The following OR2L13 variants were observed in gnomAD, a reference collection of about 807,000 sequenced individuals.
OR2L13 encodes the protein olfactory receptor family 2 subfamily L member 13.
A neutral mutation model predicts 15.3 loss-of-function variants in OR2L13; 14 were observed. That is an observed-to-expected ratio of 0.91 (90% CI 0.60 to 1.43). The LOEUF is 1.43. Among genes scored for constraint, OR2L13 ranks in the 40% most tolerant of loss-of-function variants. The pLI is 0.00. For missense variants in OR2L13, 367 were observed against 387.9 expected (o/e 0.95, Z 0.45); for synonymous variants, 152 against 142.9 (o/e 1.06, Z -0.45).
the OR2L13 span, among the ~76,000 whole-genome samples, chr1:248,008,249 C>T: frequency 2.0e-3 from 307 of 152,242 alleles, 1 homozygote; most frequent in African/African-American, 7.3e-3. Context: ...CCCCATATAC[C>T]TCCTAGTGAC....
the OR2L13 span, among the ~76,000 whole-genome samples, chr1:247,971,018 G>A: frequency 0.82 from 125,038 of 151,966 alleles, 53,844 homozygotes; most frequent in South Asian, 0.97. Context: ...ATATAGATAC[G>A]GTAATTTTCA....
chr1:247,997,217 C>A, the OR2L13 span: 1 of 152,098 alleles, frequency 6.6e-6, no homozygotes, highest in African/African-American at 2.4e-5. Context: ...TGAACTAATA[C>A]CTTTTTTCCC....
At chr1:248,000,579 GC>G in the OR2L13 span, among the ~76,000 whole-genome samples, 11 of 152,084 alleles carry the variant, frequency 7.2e-5, no homozygotes, top group African/African-American at 1.9e-4. Flanking sequence ...AACTTTGGCA[GC>G]TTTTGGAGAA....
chr1:248,091,970 T>C (rs1664607257), upstream of OR2L13, among the ~76,000 whole-genome samples: 1 of 152,106 alleles, frequency 6.6e-6, no homozygotes, highest in Non-Finnish European at 1.5e-5. Flanking sequence ...ATTCCTTTGA[T>C]CAGCATTTTA....
At chr1:248,071,089 C>G in the OR2L13 span, among the ~76,000 whole-genome samples, 1 of 152,090 alleles carries the variant, frequency 6.6e-6, no homozygotes, top group Non-Finnish European at 1.5e-5. Context: ...CTATTCCAAT[C>G]AATAGAAAAA....
chr1:248,100,599 A>C (rs1664838433), exon 3 of OR2L13: 1 of 176,578 alleles, frequency 5.7e-6, no homozygotes. Context: ...GATAATGTTT[A>C]TTCTTGTATA....
the OR2L13 span, among the ~76,000 whole-genome samples, chr1:248,042,609 T>A: frequency 6.6e-6 from 1 of 152,198 alleles, no homozygotes; most frequent in South Asian, 2.1e-4. Context: ...TACCAAGCAC[T>A]TACTTCACTG....
At chr1:247,951,973 T>TTG in the OR2L13 span, among the ~76,000 whole-genome samples, 4,145 of 150,032 alleles carry the variant, frequency 0.028, 169 homozygotes, top group African/African-American at 0.086. Flanking sequence ...GTGTGTGTGT[T>TTG]TGTGTGTGTG....
At chr1:248,068,642 GA>G in the OR2L13 span, among the ~76,000 whole-genome samples, 4 of 152,196 alleles carry the variant, frequency 2.6e-5, no homozygotes, top group Non-Finnish European at 5.9e-5. Flanking sequence ...TGACTTTGAC[GA>G]GAGAAGAAGC....
chr1:247,940,300 G>T, the OR2L13 span, among the ~76,000 whole-genome samples: 1 of 151,998 alleles, frequency 6.6e-6, no homozygotes, highest in East Asian at 1.9e-4. Context: ...TATCCTAAAA[G>T]TTATTGCAAA....
the OR2L13 span, among the ~76,000 whole-genome samples, chr1:247,973,891 C>A: frequency 6.6e-6 from 1 of 152,154 alleles, no homozygotes; most frequent in Non-Finnish European, 1.5e-5. Context: ...GGATTTAGAA[C>A]CAGAAATACC....
At chr1:248,067,100 AAGTTAG>A in the OR2L13 span, among the ~76,000 whole-genome samples, 1 of 152,230 alleles carries the variant, frequency 6.6e-6, no homozygotes, top group Non-Finnish European at 1.5e-5. Context: ...ATTTTATCAC[AAGTTAG>A]AGTTAATTTC....
At chr1:248,060,829 T>A in the OR2L13 span, 3 of 1,614,032 alleles carry the variant, frequency 1.9e-6, no homozygotes, top group Non-Finnish European at 2.5e-6. Flanking sequence ...TCTCATCTTC[T>A]TGGACACCCA....
At chr1:247,965,359 G>T in the OR2L13 span, 1 of 1,599,396 alleles carries the variant, frequency 6.3e-7, no homozygotes, top group South Asian at 1.1e-5. Context: ...CATCTCCTTT[G>T]ATATTTTGGT....
At chr1:248,008,599 C>T in the OR2L13 span, among the ~76,000 whole-genome samples, 3 of 152,112 alleles carry the variant, frequency 2.0e-5, no homozygotes, top group East Asian at 1.9e-4. Flanking sequence ...GAGACTTTAA[C>T]ACCCCACTGT....
chr1:248,099,254 C>T, intron 2 of OR2L13, 104 bp from the exon 3 acceptor site: 1 of 684,574 alleles, frequency 1.5e-6, no homozygotes, highest in South Asian at 1.9e-5. Context: ...GGAGAAACAA[C>T]TCATTCTAAA....
the OR2L13 span, among the ~76,000 whole-genome samples, chr1:247,985,043 T>C: frequency 6.6e-6 from 1 of 152,214 alleles, no homozygotes; most frequent in Non-Finnish European, 1.5e-5. Context: ...ATCTATGTTG[T>C]AGCATGTGTC....
the OR2L13 span, chr1:247,965,469 T>C: frequency 2.5e-6 from 4 of 1,614,004 alleles, no homozygotes; most frequent in South Asian, 4.4e-5. Context: ...TTGTCGTCAT[T>C]GCCACCCTCT....
At chr1:247,952,965 G>A in the OR2L13 span, among the ~76,000 whole-genome samples, 2 of 152,090 alleles carry the variant, frequency 1.3e-5, no homozygotes, top group African/African-American at 2.4e-5. Flanking sequence ...TCCTGTAGAG[G>A]CAATGGTAAT....
Sources: gnomAD v4.1 joint callset for allele counts (sites outside exome capture counted in the v4.1 genomes callset) on GRCh38, gnomAD v4.1.1 for gene constraint, MANE v1.5 for transcripts, NCBI Gene and HGNC (gene_info 2026-07-23, HGNC 2026-07-21) for gene names.